CACNA2D3: variants seen among roughly 807,000 people sequenced by gnomAD.
The protein encoded by CACNA2D3 is voltage-dependent calcium channel subunit alpha-2/delta-3.
A neutral mutation model predicts 160.6 loss-of-function variants in CACNA2D3; 60 were observed. The ratio of observed to expected loss-of-function variants is 0.37; its 90% CI spans 0.30 to 0.46. The LOEUF (loss-of-function observed/expected upper bound fraction) is 0.46. CACNA2D3 is among the 20% of genes least tolerant of loss of function. The pLI, the probability that CACNA2D3 is intolerant of heterozygous loss-of-function variation, is 1.00. For synonymous variants in CACNA2D3, 558 were observed against 492.9 expected, an observed-to-expected ratio of 1.13 and a Z score of -1.75; for missense variants, 1,205 against 1,365.0, an observed-to-expected ratio of 0.88 and a Z score of 1.85.
intron 2 of CACNA2D3, among the ~76,000 whole-genome samples, chr3:54,275,037 A>G (rs1702705097): frequency 6.6e-6 from 1 of 152,248 alleles, no homozygotes; most frequent in Non-Finnish European, 1.5e-5. Context: ...ACTGGGGTCC[A>G]TCCAAGAAGT....
rs1698749608 is a variant in CACNA2D3 at position 54,838,742 on chromosome 3, A to G, written c.1551+94A>G. 3 of 923,908 alleles carry G rather than the reference A, an allele frequency of 3.2e-6. No homozygotes were observed. The Admixed American group carries it at 5.3e-5, about 16-fold the overall frequency. 57.2% of individuals were successfully genotyped at this position (923,908 alleles called of 1,614,324 possible). ...AGGCTTCAAACTCTACTTTGGAGCG[A>G]TGTTTTTGCTCACCACTATTACAGC... is the stretch of plus-strand genomic sequence containing the variant. On this transcript the variant is annotated intron_variant, in intron 16 of 37. Transcript: ENST00000474759.
chr3:54,684,206 C>G (rs914933334), intron 11 of CACNA2D3, among the ~76,000 whole-genome samples: 1 of 151,976 alleles, frequency 6.6e-6, no homozygotes, highest in Non-Finnish European at 1.5e-5. Flanking sequence ...GTAATCTGCC[C>G]GTCTTGGCCT....
At chr3:54,974,041 G>A (rs987000193) in intron 29 of CACNA2D3, among the ~76,000 whole-genome samples, 1 of 152,142 alleles carries the variant, frequency 6.6e-6, no homozygotes, top group Non-Finnish European at 1.5e-5. Flanking sequence ...GGGTTTCTAA[G>A]TGAGTTGTTT....
At chr3:54,788,411 C>T (rs945543900) in intron 13 of CACNA2D3, among the ~76,000 whole-genome samples, 4 of 152,148 alleles carry the variant, frequency 2.6e-5, no homozygotes, top group Non-Finnish European at 5.9e-5. Context: ...CACCCAGACA[C>T]CTTAGAGCCC....
intron 11 of CACNA2D3, among the ~76,000 whole-genome samples, chr3:54,696,101 T>G (rs1700660279): frequency 6.6e-6 from 1 of 152,178 alleles, no homozygotes; most frequent in Non-Finnish European, 1.5e-5. Flanking sequence ...TGGGTTGTGT[T>G]CCTGTCTGGC....
intron 2 of CACNA2D3, among the ~76,000 whole-genome samples, chr3:54,218,051 GAGAGAGAGGTGCATT>G (rs1387904253): frequency 2.6e-5 from 4 of 152,034 alleles, no homozygotes; most frequent in South Asian, 2.1e-4. Flanking sequence ...AGGTGTGTTA[GAGAGAGAGGTGCATT>G]AGAGAGAGGT....
chr3:54,928,862 C>G (rs371110986), intron 27 of CACNA2D3, among the ~76,000 whole-genome samples: 2 of 152,146 alleles, frequency 1.3e-5, no homozygotes, highest in Non-Finnish European at 2.9e-5. Context: ...GAGCATCAGG[C>G]GTCAGTCGAC....
At chr3:54,591,574 T>C (rs990962292) in intron 9 of CACNA2D3, among the ~76,000 whole-genome samples, 1 of 150,728 alleles carries the variant, frequency 6.6e-6, no homozygotes, top group Middle Eastern at 3.4e-3. Context: ...AAAGTTTTTT[T>C]TTTTTTTTTT....
At chr3:54,914,199 G>A (rs1247081311) in intron 27 of CACNA2D3, among the ~76,000 whole-genome samples, 4 of 151,952 alleles carry the variant, frequency 2.6e-5, no homozygotes, top group African/African-American at 9.7e-5. Context: ...TAAGGACATG[G>A]AACTATATCA....
intron 30 of CACNA2D3, 85 bp from the exon 31 acceptor site, chr3:54,987,598 C>A: frequency 2.3e-6 from 2 of 866,060 alleles, no homozygotes; most frequent in Non-Finnish European, 3.6e-6. Flanking sequence ...AGTTCCAGGA[C>A]ACAGACTGTG....
intron 13 of CACNA2D3, among the ~76,000 whole-genome samples, chr3:54,779,301 G>C (rs964588563): frequency 4.6e-5 from 7 of 152,156 alleles, no homozygotes; most frequent in African/African-American, 1.7e-4. Context: ...GTTTCACCAT[G>C]TTGAACAGGC....
At chr3:55,061,009 C>T (rs1003528446) in intron 35 of CACNA2D3, among the ~76,000 whole-genome samples, 1 of 152,102 alleles carries the variant, frequency 6.6e-6, no homozygotes, top group Non-Finnish European at 1.5e-5. Context: ...AGCTGTAGGT[C>T]GGCACCATAA....
At position 54,365,714 on chromosome 3, in the gene CACNA2D3, T is replaced by G. The variant is rs568765938; in HGVS notation, c.322-21001T>G. 6.0e-4 allele frequency among the ~76,000 whole-genome samples: 91 copies of G among 152,158 alleles called. 1 individual carries two copies. The highest frequency in any genetic ancestry group is 2.1e-3 in the African/African-American group (89 of 41,514). On this transcript the variant is annotated intron_variant, in intron 3 of 37. Coordinates refer to ENST00000474759, the MANE Select transcript of CACNA2D3 (RefSeq NM_018398.3). The stretch of plus-strand genomic sequence containing the variant: ...CCCTGTCTCTACTAAAAGTACAAAA[T>G]TAGCTGAGCATGGTGGCACATGCCT...
chr3:54,976,398 G>A (rs1702392123), intron 29 of CACNA2D3, among the ~76,000 whole-genome samples: 8 of 151,578 alleles, frequency 5.3e-5, no homozygotes, highest in Admixed American at 5.3e-4. Context: ...GAGTTAGTGG[G>A]TTGCAGTGCA....
intron 27 of CACNA2D3, among the ~76,000 whole-genome samples, chr3:54,933,998 T>C (rs1054922085): frequency 1.3e-5 from 2 of 152,170 alleles, no homozygotes; most frequent in Non-Finnish European, 2.9e-5. Context: ...CTCTAACTCC[T>C]GACCTGGGGT....
At chr3:54,174,342 A>C (rs987512879) in intron 2 of CACNA2D3, among the ~76,000 whole-genome samples, 4 of 152,206 alleles carry the variant, frequency 2.6e-5, no homozygotes, top group Non-Finnish European at 1.5e-5. Context: ...ACAGACAGGC[A>C]AAAAGAAGAT....
chr3:54,404,866 A>G (rs916701482), intron 4 of CACNA2D3, among the ~76,000 whole-genome samples: 1 of 152,104 alleles, frequency 6.6e-6, no homozygotes, highest in Non-Finnish European at 1.5e-5. Flanking sequence ...CTCATTTCTA[A>G]TAGCATCAAA....
chr3:54,353,150 C>G (rs1698593694), intron 3 of CACNA2D3, among the ~76,000 whole-genome samples: 1 of 152,230 alleles, frequency 6.6e-6, no homozygotes. Context: ...ACTTCCCCCA[C>G]TAGCCAATTT....
intron 2 of CACNA2D3, among the ~76,000 whole-genome samples, chr3:54,245,756 A>G (rs1702060331): frequency 1.3e-5 from 2 of 152,226 alleles, no homozygotes; most frequent in African/African-American, 4.8e-5. Flanking sequence ...GATTATGGAA[A>G]ATAGGCTCAT....
Sources: allele counts gnomAD v4.1 joint callset (sites outside exome capture counted in the v4.1 genomes callset), GRCh38; gene constraint gnomAD v4.1.1; transcripts MANE v1.5; gene names NCBI Gene and HGNC (gene_info 2026-07-23, HGNC 2026-07-21).